Variants in DLG2 observed in about 807,000 individuals in gnomAD.
DLG2 encodes disks large homolog 2.
Under a neutral mutation model 132.5 loss-of-function variants are expected in DLG2, and 45 were observed. The ratio of observed to expected loss-of-function variants is 0.34; its 90% CI spans 0.27 to 0.44. The LOEUF (loss-of-function observed/expected upper bound fraction) is 0.44, where lower values mean the gene tolerates loss of function less well. Among genes scored for constraint, DLG2 ranks in the 20% least tolerant of loss-of-function variants. The pLI, the probability that DLG2 is intolerant of heterozygous loss-of-function variation, is 1.00. For synonymous variants in DLG2, 424 were observed against 419.6 expected (o/e 1.01, Z -0.13); for missense variants, 1,045 against 1,196.9 (o/e 0.87, Z 1.87).
chr11:85,215,966 G>A (rs1165381640), intron 4 of DLG2, among the ~76,000 whole-genome samples: 2 of 149,098 alleles, frequency 1.3e-5, no homozygotes, highest in Non-Finnish European at 3.0e-5. Context: ...TTCTAGTGAA[G>A]AAGGACAATT....
chr11:85,269,189 T>C (rs1364863641), intron 4 of DLG2, among the ~76,000 whole-genome samples: 1 of 152,218 alleles, frequency 6.6e-6, no homozygotes, highest in Admixed American at 6.5e-5. Flanking sequence ...CTCCTGATTT[T>C]CAACTTCTCC....
chr11:84,731,111 T>C (rs558782762), intron 6 of DLG2, among the ~76,000 whole-genome samples: 1 of 152,202 alleles, frequency 6.6e-6, no homozygotes, highest in South Asian at 2.1e-4. Context: ...ATGCTGGTGC[T>C]TTCTTCCTTT....
chr11:85,266,708 G>A (rs1438096634), intron 4 of DLG2, among the ~76,000 whole-genome samples: 1 of 152,130 alleles, frequency 6.6e-6, no homozygotes, highest in Non-Finnish European at 1.5e-5. Context: ...CATAAAGTAG[G>A]CTTCTGGGCA....
intron 10 of DLG2, among the ~76,000 whole-genome samples, chr11:84,077,326 G>A (rs563430099): frequency 2.9e-4 from 44 of 152,262 alleles, no homozygotes; most frequent in Non-Finnish European, 4.7e-4. Flanking sequence ...AAATTCACCA[G>A]TAATCTTGAT....
intron 6 of DLG2, among the ~76,000 whole-genome samples, chr11:84,672,456 C>T (rs1160400103): frequency 2.6e-5 from 4 of 152,138 alleles, no homozygotes; most frequent in African/African-American, 7.2e-5. Context: ...AGAAACCTAA[C>T]ATATTTTTAA....
intron 6 of DLG2, among the ~76,000 whole-genome samples, chr11:85,007,486 C>T (rs1398296993): frequency 6.6e-6 from 1 of 150,924 alleles, no homozygotes; most frequent in Non-Finnish European, 1.5e-5. Flanking sequence ...CGGTGAAACC[C>T]CATCTCTACT....
chr11:85,611,780 C>T (rs1308747803), intron 2 of DLG2, among the ~76,000 whole-genome samples: 2 of 152,212 alleles, frequency 1.3e-5, no homozygotes, highest in Non-Finnish European at 2.9e-5. Flanking sequence ...CCATTAAATA[C>T]CACAAGGAAA....
chr11:85,399,609 C>A (rs925700979), intron 3 of DLG2, among the ~76,000 whole-genome samples: 4 of 151,906 alleles, frequency 2.6e-5, no homozygotes, highest in Admixed American at 1.3e-4. Context: ...TAGAACAGAG[C>A]CCTCAGAAAT....
intron 8 of DLG2, among the ~76,000 whole-genome samples, chr11:84,206,841 TTA>T (rs2096672941): frequency 6.6e-6 from 1 of 151,912 alleles, no homozygotes; most frequent in Non-Finnish European, 1.5e-5. Flanking sequence ...TGACACAACT[TTA>T]TATGTAGAAA....
chr11:85,418,689 T>C (rs530799652), intron 3 of DLG2, among the ~76,000 whole-genome samples: 1 of 152,362 alleles, frequency 6.6e-6, no homozygotes, highest in African/African-American at 2.4e-5. Context: ...CCCTTTACCA[T>C]TAAGTAATTC....
intron 14 of DLG2, among the ~76,000 whole-genome samples, chr11:83,955,595 CT>C (rs1297281472): frequency 3.9e-5 from 6 of 152,162 alleles, no homozygotes; most frequent in African/African-American, 1.4e-4. Context: ...CAAATGTTGC[CT>C]TTTCCAAAAC....
rs2083016057 is a variant in DLG2 at position 84,857,942 on chromosome 11, G to C, written c.357+253719C>G. 2.6e-5 allele frequency among the ~76,000 whole-genome samples: 4 copies of C among 151,770 alleles called. No homozygotes were observed. The South Asian group carries it at 8.3e-4, about 31-fold the overall frequency. ...GTCTCACTGTGTGTCATGCAGGCTG[G>C]AGTGCAGTGATTCAGTCAATGCTCA... is the stretch of plus-strand genomic sequence containing the variant. On this transcript the variant is annotated intron_variant, in intron 6 of 27. Transcript: ENST00000376104.
intron 6 of DLG2, among the ~76,000 whole-genome samples, chr11:85,030,947 A>G (rs1334183498): frequency 6.6e-6 from 1 of 151,942 alleles, no homozygotes; most frequent in Non-Finnish European, 1.5e-5. Context: ...TCTTTTTTAA[A>G]ATCTTTTAAA....
At position 83,930,504 on chromosome 11, in the gene DLG2, G is replaced by A. The variant is rs563863858; in HGVS notation, c.1341-21C>T. ...GAGGCCTGGTGATACAAGAGGAAGA[G>A]AAAGATATGCATGGTTAGTACATAC... is the stretch of plus-strand genomic sequence containing the variant. On this transcript the variant is annotated intron_variant, in intron 14 of 27. Coordinates refer to ENST00000376104, the MANE Select transcript of DLG2 (RefSeq NM_001142699.3). The A allele has an allele frequency of 4.3e-6, 7 of 1,612,018 alleles. No homozygotes were observed. The South Asian group carries it at 5.5e-5, about 13-fold the overall frequency.
intron 6 of DLG2, among the ~76,000 whole-genome samples, chr11:84,625,656 C>A (rs2099621327): frequency 6.6e-6 from 1 of 152,110 alleles, no homozygotes; most frequent in South Asian, 2.1e-4. Context: ...CCTGCATTAC[C>A]CTTATTCAAG....
chr11:83,495,900 T>C (rs748703506), intron 21 of DLG2, among the ~76,000 whole-genome samples: 2 of 152,118 alleles, frequency 1.3e-5, no homozygotes, highest in South Asian at 2.1e-4. Flanking sequence ...ACATACAATA[T>C]ACTTATAATT....
At chr11:84,796,941 G>C (rs191103539) in intron 6 of DLG2, among the ~76,000 whole-genome samples, 1 of 151,984 alleles carries the variant, frequency 6.6e-6, no homozygotes, top group African/African-American at 2.4e-5. Flanking sequence ...CTGCCTCCTG[G>C]GTTCAAGCGA....
At chr11:84,627,241 T>C (rs17735215) in intron 6 of DLG2, among the ~76,000 whole-genome samples, 13,483 of 152,246 alleles carry the variant, frequency 0.089, 758 homozygotes, top group Admixed American at 0.16. Flanking sequence ...AGACATTCAC[T>C]TTAAACACAA....
Position 85,290,828 on chromosome 11 carries a change from C to G in DLG2, c.41-5463G>C, listed in dbSNP as rs1000822773. Among the ~76,000 whole-genome samples, 6 of 152,120 alleles carry G rather than the reference C, an allele frequency of 3.9e-5. No homozygotes were observed. In the East Asian group the frequency reaches 1.2e-3, roughly 30 times the overall value. ...ACACTCCTTGAAAATGAGATCTGGT[C>G]TTCATAATAATGATTCTGACACAGT... On this transcript the variant is annotated intron_variant, in intron 3 of 27. Transcript: ENST00000376104.
Sources: allele counts gnomAD v4.1 joint callset (sites outside exome capture counted in the v4.1 genomes callset), GRCh38; gene constraint gnomAD v4.1.1; transcripts MANE v1.5; gene names NCBI Gene and HGNC (gene_info 2026-07-23, HGNC 2026-07-21).